The following TUT4 variants were observed in gnomAD, a reference collection of about 807,000 sequenced individuals.
The protein encoded by TUT4 is terminal uridylyltransferase 4.
TUT4 carries 36 observed loss-of-function variants against 192.2 expected under a neutral mutation model. The ratio of observed to expected loss-of-function variants is 0.19; its 90% confidence interval spans 0.14 to 0.25. TUT4 has a LOEUF of 0.25. Among genes scored for constraint, TUT4 ranks in the 10% least tolerant of loss-of-function variants. TUT4 has a pLI of 1.00. For missense variants in TUT4, 1,493 were observed against 1,957.2 expected, an observed-to-expected ratio of 0.76 and a Z score of 4.47; for synonymous variants, 618 against 666.0, an observed-to-expected ratio of 0.93 and a Z score of 1.11.
chr1:52,446,561 C>T (rs1246188886), intron 21 of TUT4, 29 bp downstream of exon 21: 2 of 1,576,706 alleles, frequency 1.3e-6, no homozygotes, highest in Non-Finnish European at 1.7e-6. Flanking sequence ...AGTGAGCATT[C>T]TAGAACATAA....
intron 14 of TUT4, among the ~76,000 whole-genome samples, chr1:52,469,643 C>A (rs575101412): frequency 1.3e-5 from 2 of 152,214 alleles, no homozygotes; most frequent in East Asian, 3.9e-4. Flanking sequence ...GTAAGCCCAG[C>A]ACTTTGGGAG....
At chr1:52,472,150 TTCA>T (rs777960176) in intron 13 of TUT4, 48 bp from the exon 14 acceptor site, 11 of 1,562,740 alleles carry the variant, frequency 7.0e-6, no homozygotes, top group South Asian at 1.2e-5. Context: ...TTTGAGGGAC[TTCA>T]TCACTTAGGA....
At chr1:52,529,793 A>G (rs1300022521) in intron 1 of TUT4, 2 of 152,210 alleles carry the variant, frequency 1.3e-5, no homozygotes, top group African/African-American at 4.8e-5. Flanking sequence ...GTACCCGGAG[A>G]GTCCCAGGCT....
chr1:52,489,696 T>C (rs1670661498), intron 8 of TUT4, among the ~76,000 whole-genome samples: 1 of 152,192 alleles, frequency 6.6e-6, no homozygotes, highest in Non-Finnish European at 1.5e-5. Flanking sequence ...TTTAACACAA[T>C]GTGGCAGAAA....
At chr1:52,452,563 C>CT (rs1424664796) in intron 20 of TUT4, among the ~76,000 whole-genome samples, 1 of 152,118 alleles carries the variant, frequency 6.6e-6, no homozygotes, top group African/African-American at 2.4e-5. Context: ...CTTAATCAAT[C>CT]TTGCATATGT....
chr1:52,442,846 C>A (rs1219337057), intron 24 of TUT4, among the ~76,000 whole-genome samples: 2 of 152,098 alleles, frequency 1.3e-5, no homozygotes, highest in Non-Finnish European at 2.9e-5. Flanking sequence ...TTCTGCTAGG[C>A]CCCAAATGAC....
At chr1:52,503,141 C>T (rs1026679838) in intron 4 of TUT4, among the ~76,000 whole-genome samples, 3 of 152,130 alleles carry the variant, frequency 2.0e-5, no homozygotes, top group African/African-American at 7.2e-5. Context: ...CAAGGTGGAA[C>T]TGAGAATTAA....
At chr1:52,458,654 T>C (rs752036442) in intron 19 of TUT4, among the ~76,000 whole-genome samples, 5 of 152,026 alleles carry the variant, frequency 3.3e-5, no homozygotes, top group Non-Finnish European at 7.4e-5. Flanking sequence ...CCAGCCTGGG[T>C]AATGCAGTGA....
At chr1:52,545,400 C>T (rs1173389369) in intron 1 of TUT4, among the ~76,000 whole-genome samples, 1 of 150,818 alleles carries the variant, frequency 6.6e-6, no homozygotes, top group African/African-American at 2.4e-5. Context: ...AAAAAGTAAC[C>T]CCACAGAACA....
At chr1:52,438,743 G>T (rs970910676) in intron 24 of TUT4, among the ~76,000 whole-genome samples, 2 of 152,110 alleles carry the variant, frequency 1.3e-5, no homozygotes, top group Non-Finnish European at 2.9e-5. Context: ...TGCTATATCG[G>T]GCTACTTCTG....
Position 52,431,296 on chromosome 1 carries a change from G to C in TUT4, c.4428C>G (p.Asn1476Lys). 6.2e-7 allele frequency: 1 copy of C among 1,614,186 alleles called. No individual in the cohort carries two copies. Among genetic ancestry groups the C allele is most frequent in the Non-Finnish European group, 8.5e-7 (1 of 1,180,034 alleles). ...PPHQVQMPLY[N>K]FPQSPPAQYS... ...ACTGAGCTGGTGGTGACTGGGGAAA[G>C]TTATACAGTGGCATCTGGACCTGAT... Residue 1476 changes from asparagine (N) to lysine (K), a missense_variant, in exon 28 of 30, where the codon AAC becomes AAG. By Grantham distance (94) the Asn-to-Lys change is moderately conservative. This residue lies in a region of TUT4 where 351 missense variants were observed against 397.8 expected (regional missense o/e 0.88). Transcript: ENST00000257177.
intron 26 of TUT4, among the ~76,000 whole-genome samples, chr1:52,436,091 T>A (rs1553157934): frequency 6.6e-6 from 1 of 152,172 alleles, no homozygotes; most frequent in Non-Finnish European, 1.5e-5. Context: ...CCTTCTCTCA[T>A]AACAGCAGTG....
intron 1 of TUT4, among the ~76,000 whole-genome samples, chr1:52,546,844 G>A (rs1181547543): frequency 6.6e-6 from 1 of 151,864 alleles, no homozygotes; most frequent in Admixed American, 6.6e-5. Flanking sequence ...ATCTAAAAAG[G>A]GTCTAGCCTG....
At chr1:52,433,672 A>C (rs1318887080) in intron 27 of TUT4, 2 of 152,328 alleles carry the variant, frequency 1.3e-5, no homozygotes, top group South Asian at 4.1e-4. Flanking sequence ...TGGTTAGAGC[A>C]TAAGTTTTGC....
At chr1:52,469,188 T>A (rs140627934) in intron 14 of TUT4, among the ~76,000 whole-genome samples, 56 of 152,242 alleles carry the variant, frequency 3.7e-4, no homozygotes, top group African/African-American at 1.2e-3. Context: ...TATGCAATTT[T>A]AAAAAAATCA....
chr1:52,484,784 T>C lies in TUT4; in HGVS notation c.1516-2861A>G, dbSNP rs114402988. On this transcript the variant is annotated intron_variant, in intron 9 of 29. Transcript: ENST00000257177. ...TAAAGCAGTTTTACAGCCTTCCTTT[T>C]TGCTCCTCCTGAGTTCATTCCCACC... 9.0e-3 allele frequency among the ~76,000 whole-genome samples: 1,368 copies of C among 152,308 alleles called. 24 individuals are homozygous for C. Among genetic ancestry groups the C allele is most frequent in the African/African-American group, 0.031 (1,299 of 41,556 alleles).
At chr1:52,526,422 C>T (rs1225723940) in intron 1 of TUT4, 49 bp from the exon 2 acceptor site, 7 of 751,258 alleles carry the variant, frequency 9.3e-6, no homozygotes, top group Non-Finnish European at 1.2e-5. Context: ...AATGCAAAAA[C>T]AATTTTTTAT....
At chr1:52,528,420 G>A in intron 1 of TUT4, among the ~76,000 whole-genome samples, 1 of 151,658 alleles carries the variant, frequency 6.6e-6, no homozygotes, top group Admixed American at 6.6e-5. Context: ...GAGACCAGGA[G>A]GCAGAGGTTG....
At chr1:52,488,798 C>T (rs1161394051) in intron 9 of TUT4, 111 bp downstream of exon 9, 7 of 1,155,854 alleles carry the variant, frequency 6.1e-6, no homozygotes, top group Non-Finnish European at 8.0e-6. Flanking sequence ...TACTTTCTCC[C>T]ACATGTTATG....
Sources: gnomAD v4.1 joint callset for allele counts (sites outside exome capture counted in the v4.1 genomes callset) on GRCh38, gnomAD v4.1.1 for gene constraint, gnomAD v4.1.1 regional missense constraint, MANE v1.5 for transcripts, NCBI Gene and HGNC (gene_info 2026-07-23, HGNC 2026-07-21) for gene names.